The following TBC1D12 variants were observed in gnomAD, a reference collection of about 807,000 sequenced individuals.
TBC1D12 encodes the protein TBC1 domain family member 12, also known as TBC1 domain family, member 12.
Under a neutral mutation model 86.7 loss-of-function variants are expected in TBC1D12, and 56 were observed. The observed-to-expected ratio is 0.65, with a 90% CI of 0.52 to 0.81. TBC1D12 has a LOEUF of 0.81. Ranked by LOEUF, TBC1D12 falls within the 30% of genes least tolerant of loss-of-function variation. TBC1D12 has a pLI of 0.00. For synonymous variants in TBC1D12, 421 were observed against 411.7 expected, an observed-to-expected ratio of 1.02 and a Z score of -0.27; for missense variants, 1,023 against 1,038.8, an observed-to-expected ratio of 0.98 and a Z score of 0.21.
chr10:94,500,046 G>A lies in TBC1D12; in HGVS notation c.1413-175G>A, dbSNP rs79601983. 8.1e-3 allele frequency among the ~76,000 whole-genome samples: 1,233 copies of A among 152,160 alleles called. 14 individuals are homozygous for A. The highest frequency in any genetic ancestry group is 0.028 in the African/African-American group (1,171 of 41,504). On this transcript the variant is annotated intron_variant, in intron 5 of 12. Coordinates refer to ENST00000225235, the MANE Select transcript of TBC1D12 (RefSeq NM_015188.2). The stretch of plus-strand genomic sequence containing the variant: ...CTTTGGGATCCTATACATCTTGTAG[G>A]CTGTTGTTGCCTGCAAGCATGAACG...
At chr10:94,503,465 C>T (rs1289886673) in intron 6 of TBC1D12, among the ~76,000 whole-genome samples, 1 of 152,104 alleles carries the variant, frequency 6.6e-6, no homozygotes, top group African/African-American at 2.4e-5. Context: ...TTGCAGCAAT[C>T]AGCATTATAT....
At chr10:94,447,543 A>T (rs575218253) in intron 2 of TBC1D12, 211 of 901,202 alleles carry the variant, frequency 2.3e-4, no homozygotes, top group Non-Finnish European at 2.7e-4. Context: ...GCAAAATCAA[A>T]CTGACTGAAG....
intron 4 of TBC1D12, among the ~76,000 whole-genome samples, chr10:94,494,072 G>T (rs2056282915): frequency 6.6e-6 from 1 of 151,010 alleles, no homozygotes; most frequent in Non-Finnish European, 1.5e-5. Context: ...AAATTTTTTT[G>T]TGACTTACAG....
intron 2 of TBC1D12, among the ~76,000 whole-genome samples, chr10:94,465,819 C>CAT (rs2055808293): frequency 6.6e-6 from 1 of 150,876 alleles, no homozygotes; most frequent in Non-Finnish European, 1.5e-5. Flanking sequence ...CGCATACATA[C>CAT]ACATATACGT....
chr10:94,467,699 C>T (rs558515755), intron 2 of TBC1D12, among the ~76,000 whole-genome samples: 2 of 152,212 alleles, frequency 1.3e-5, no homozygotes, highest in South Asian at 4.1e-4. Flanking sequence ...ATACAGTCAT[C>T]ACAGTGCTAT....
chr10:94,487,956 C>A (rs113742608), intron 3 of TBC1D12, among the ~76,000 whole-genome samples: 3,432 of 152,042 alleles, frequency 0.023, 126 homozygotes, highest in African/African-American at 0.076. Flanking sequence ...GCCATGGCCT[C>A]CCAAAGTGCT....
chr10:94,530,923 G>A (rs780263197), intron 11 of TBC1D12, among the ~76,000 whole-genome samples: 68 of 134,196 alleles, frequency 5.1e-4, no homozygotes, highest in Non-Finnish European at 2.1e-4. Context: ...GCAGTGGCAC[G>A]ATCTCAGCTC....
Position 94,474,787 on chromosome 10 carries a change from A to C in TBC1D12, c.1211+4A>C, listed in dbSNP as rs531497895. Reference sequence around the variant, plus strand: ...TGATTCTTGAGGATCGACCATCGTAAGTATTTTAGTGATAATCAGTGACAT... The same window carrying C: ...TGATTCTTGAGGATCGACCATCGTACGTATTTTAGTGATAATCAGTGACAT... On this transcript the variant is annotated splice_donor_region_variant and intron_variant, in intron 3 of 12. Coordinates refer to ENST00000225235, the MANE Select transcript of TBC1D12 (RefSeq NM_015188.2). 6.2e-7 allele frequency: 1 copy of C among 1,609,000 alleles called. No homozygotes were observed. Among genetic ancestry groups the C allele is most frequent in the African/African-American group, 1.3e-5 (1 of 74,920 alleles).
intron 1 of TBC1D12, among the ~76,000 whole-genome samples, chr10:94,428,282 CTTTTTT>C (rs894535771): frequency 1.0e-5 from 1 of 99,924 alleles, no homozygotes; most frequent in Non-Finnish European, 2.1e-5. Flanking sequence ...TTTGGAACTT[CTTTTTT>C]TTTTTTTTTT....
In TBC1D12 at chr10:94,500,320, C is replaced by A. The variant is rs1157293749; in HGVS notation, c.1512C>A (p.Ile504=). ...WSLAVGNELN[I]TPELYEIFLS... ...TAGCTGTAGGAAATGAACTAAATATCACTCCTGGTTTGTATTCTACGTTCA... is the reference window on the plus strand; with the variant it reads ...TAGCTGTAGGAAATGAACTAAATATAACTCCTGGTTTGTATTCTACGTTCA... The change falls in exon 6 of 13, where the codon ATC becomes ATA. Residue 504 remains isoleucine (I), a synonymous_variant. Coordinates refer to ENST00000225235, the MANE Select transcript of TBC1D12 (RefSeq NM_015188.2). The A allele has an allele frequency of 6.2e-7, 1 of 1,613,158 alleles. No homozygotes were observed. Among genetic ancestry groups the A allele is most frequent in the African/African-American group, 1.3e-5 (1 of 75,028 alleles).
At chr10:94,444,400 T>C (rs1275081246) in intron 2 of TBC1D12, among the ~76,000 whole-genome samples, 2 of 152,114 alleles carry the variant, frequency 1.3e-5, no homozygotes, top group Admixed American at 6.5e-5. Context: ...ACCTCTGCTA[T>C]TGTGACATCT....
intron 3 of TBC1D12, among the ~76,000 whole-genome samples, chr10:94,485,896 G>A (rs1210266716): frequency 2.0e-5 from 3 of 151,850 alleles, no homozygotes; most frequent in Non-Finnish European, 2.9e-5. Flanking sequence ...CCAATTTATC[G>A]GCACACAGTT....
At chr10:94,473,622 T>C (rs2055942868) in intron 2 of TBC1D12, among the ~76,000 whole-genome samples, 1 of 152,196 alleles carries the variant, frequency 6.6e-6, no homozygotes, top group African/African-American at 2.4e-5. Flanking sequence ...ACTTGCATAG[T>C]TCGTGAAATC....
At chr10:94,469,447 CTT>C (rs71031578) in intron 2 of TBC1D12, among the ~76,000 whole-genome samples, 9 of 112,542 alleles carry the variant, frequency 8.0e-5, no homozygotes, top group Admixed American at 1.0e-4. Context: ...GAGTTTTTTC[CTT>C]TTTTTTTTTT....
intron 2 of TBC1D12, among the ~76,000 whole-genome samples, chr10:94,445,145 G>T (rs879909266): frequency 1.2e-4 from 17 of 142,592 alleles, no homozygotes; most frequent in Admixed American, 7.4e-4. Flanking sequence ...CAGATCACGA[G>T]GTCAGGAGAT....
At chr10:94,445,682 T>G (rs772371234) in intron 2 of TBC1D12, among the ~76,000 whole-genome samples, 10 of 152,074 alleles carry the variant, frequency 6.6e-5, no homozygotes, top group Non-Finnish European at 1.5e-4. Flanking sequence ...GTGCGGTGGC[T>G]CACACCTTTA....
intron 2 of TBC1D12, among the ~76,000 whole-genome samples, chr10:94,448,354 A>T (rs1432984022): frequency 2.0e-5 from 3 of 152,178 alleles, no homozygotes. Flanking sequence ...TGAAAAGTTT[A>T]TTGGTTTTAA....
intron 1 of TBC1D12, among the ~76,000 whole-genome samples, chr10:94,435,694 C>T (rs1417298144): frequency 6.6e-6 from 1 of 152,090 alleles, no homozygotes; most frequent in Non-Finnish European, 1.5e-5. Flanking sequence ...ACTTTTTATG[C>T]TGGTGATTTT....
intron 9 of TBC1D12, among the ~76,000 whole-genome samples, chr10:94,517,965 C>T (rs1842043176): frequency 6.6e-6 from 1 of 152,050 alleles, no homozygotes; most frequent in African/African-American, 2.4e-5. Context: ...CCAGCCTGGC[C>T]AACGTGGCGA....
Sources: gnomAD v4.1 joint callset for allele counts (sites outside exome capture counted in the v4.1 genomes callset) on GRCh38, gnomAD v4.1.1 for gene constraint, MANE v1.5 for transcripts, NCBI Gene and HGNC (gene_info 2026-07-23, HGNC 2026-07-21) for gene names.